KHDRBS2: variants seen among roughly 807,000 people sequenced by gnomAD.
KHDRBS2 encodes KH RNA binding domain containing, signal transduction associated 2, also known as KH domain-containing, RNA-binding, signal transduction-associated protein 2.
In KHDRBS2, 26 loss-of-function variants were observed where a neutral mutation model predicts 44.3. The observed-to-expected ratio is 0.59, with a 90% CI of 0.43 to 0.81. The LOEUF is 0.81. Among genes scored for constraint, KHDRBS2 ranks in the 40% least tolerant of loss-of-function variants. The pLI is 0.00. For missense variants in KHDRBS2, 476 were observed against 433.1 expected (o/e 1.10, Z -0.88); for synonymous variants, 194 against 151.1 (o/e 1.28, Z -2.08).
rs530120728 is a variant in KHDRBS2 at position 62,197,732 on chromosome 6, C to T, written c.92-20420G>A. 4.6e-4 allele frequency among the ~76,000 whole-genome samples: 70 copies of T among 152,256 alleles called. 1 individual carries two copies. The highest frequency in any genetic ancestry group is 1.6e-3 in the African/African-American group (68 of 41,558). On this transcript the variant is annotated intron_variant, in intron 1 of 8. Transcript: ENST00000281156. The stretch of plus-strand genomic sequence containing the variant: ...GAACTGAACTCAGCTCTGCACCAAG[C>T]AGACCTAATAGACATCTACAGAACT...
chr6:62,222,548 C>G (rs535225021), intron 1 of KHDRBS2, among the ~76,000 whole-genome samples: 32 of 152,066 alleles, frequency 2.1e-4, no homozygotes, highest in Non-Finnish European at 3.8e-4. Context: ...TATCTCCCAC[C>G]AGGTCCCTCA....
At chr6:61,547,639 G>C in the KHDRBS2 span, among the ~76,000 whole-genome samples, 238 of 152,094 alleles carry the variant, frequency 1.6e-3, 2 homozygotes, top group Non-Finnish European at 2.6e-3. Context: ...ATCACTTCGA[G>C]AGTTTGAAAA....
chr6:62,095,966 A>G (rs1186213801), intron 2 of KHDRBS2, among the ~76,000 whole-genome samples: 2 of 151,944 alleles, frequency 1.3e-5, no homozygotes, highest in African/African-American at 2.4e-5. Context: ...TTATTCATCT[A>G]TTCGGATGAT....
chr6:61,842,924 A>ACTATCTGTATAGATTACAGATACATAAT (rs1793801278), intron 6 of KHDRBS2, among the ~76,000 whole-genome samples: 1 of 150,668 alleles, frequency 6.6e-6, no homozygotes, highest in Non-Finnish European at 1.5e-5. Flanking sequence ...ATACAGATAA[A>ACTATCTGTATAGATTACAGATACATAAT]CTATCTGTAT....
intron 6 of KHDRBS2, among the ~76,000 whole-genome samples, chr6:61,768,372 C>T (rs1780318139): frequency 6.6e-6 from 1 of 152,150 alleles, no homozygotes; most frequent in South Asian, 2.1e-4. Flanking sequence ...CTGTCACCTT[C>T]TTGTCCTTAA....
chr6:61,843,707 G>T (rs1472614569), intron 6 of KHDRBS2, among the ~76,000 whole-genome samples: 5 of 152,008 alleles, frequency 3.3e-5, no homozygotes, highest in Non-Finnish European at 7.4e-5. Flanking sequence ...ATGCATCTTT[G>T]TATTAGTAAT....
chr6:62,157,155 A>G (rs1415794935), intron 2 of KHDRBS2, among the ~76,000 whole-genome samples: 1 of 150,798 alleles, frequency 6.6e-6, no homozygotes, highest in Non-Finnish European at 1.5e-5. Flanking sequence ...AGTGATCGAG[A>G]CCATCCTGGC....
At chr6:61,776,303 A>C (rs1781987408) in intron 6 of KHDRBS2, among the ~76,000 whole-genome samples, 1 of 152,294 alleles carries the variant, frequency 6.6e-6, no homozygotes, top group Non-Finnish European at 1.5e-5. Context: ...GATCTAATTA[A>C]ACTAAAGAGC....
the KHDRBS2 span, among the ~76,000 whole-genome samples, chr6:61,615,730 A>G: frequency 1.3e-5 from 2 of 152,210 alleles, no homozygotes; most frequent in East Asian, 1.9e-4. Context: ...GAATTTTCAG[A>G]TTAGGGATGC....
At chr6:62,228,841 G>C (rs184475951) in intron 1 of KHDRBS2, among the ~76,000 whole-genome samples, 1 of 152,078 alleles carries the variant, frequency 6.6e-6, no homozygotes, top group Non-Finnish European at 1.5e-5. Flanking sequence ...GATGTCACTC[G>C]AGGAAGCTGG....
At chr6:61,812,884 G>C (rs1271196885) in intron 6 of KHDRBS2, among the ~76,000 whole-genome samples, 1 of 151,834 alleles carries the variant, frequency 6.6e-6, no homozygotes, top group African/African-American at 2.4e-5. Flanking sequence ...TGGCCTCGGC[G>C]TATTTTCACA....
intron 6 of KHDRBS2, among the ~76,000 whole-genome samples, chr6:61,848,644 C>T (rs1427533320): frequency 2.2e-5 from 3 of 136,590 alleles, no homozygotes; most frequent in Non-Finnish European, 3.1e-5. Flanking sequence ...ATCTGTTCTT[C>T]AATGCACTAT....
At chr6:61,712,887 C>T (rs1259403728) in intron 7 of KHDRBS2, among the ~76,000 whole-genome samples, 1 of 151,632 alleles carries the variant, frequency 6.6e-6, no homozygotes, top group African/African-American at 2.4e-5. Context: ...TATTATGTAA[C>T]TCAAGTCCAC....
chr6:61,781,155 A>T (rs1488160751), intron 6 of KHDRBS2, among the ~76,000 whole-genome samples: 1 of 152,166 alleles, frequency 6.6e-6, no homozygotes, highest in Non-Finnish European at 1.5e-5. Context: ...ATTTCATTTG[A>T]TTTACATTCT....
At chr6:61,950,989 T>A (rs1764620104) in intron 4 of KHDRBS2, among the ~76,000 whole-genome samples, 1 of 152,054 alleles carries the variant, frequency 6.6e-6, no homozygotes, top group Non-Finnish European at 1.5e-5. Flanking sequence ...GTATGACTTT[T>A]ATATTTTTCC....
chr6:61,721,944 A>AT (rs1349108115), intron 7 of KHDRBS2, among the ~76,000 whole-genome samples: 1 of 145,784 alleles, frequency 6.9e-6, no homozygotes, highest in East Asian at 2.0e-4. Flanking sequence ...TTATTTTGAG[A>AT]TACGTCCAAT....
intron 3 of KHDRBS2, among the ~76,000 whole-genome samples, chr6:62,003,703 C>T (rs1241310972): frequency 3.3e-5 from 5 of 152,182 alleles, no homozygotes; most frequent in Non-Finnish European, 7.3e-5. Context: ...CCAAAATCAA[C>T]AGAATATACA....
intron 3 of KHDRBS2, among the ~76,000 whole-genome samples, chr6:62,018,280 T>A (rs1466593068): frequency 2.0e-5 from 3 of 150,150 alleles, no homozygotes; most frequent in Non-Finnish European, 4.4e-5. Context: ...ATGTGTATAT[T>A]CACACACTAT....
chr6:61,598,120 CTG>C, the KHDRBS2 span, among the ~76,000 whole-genome samples: 1 of 150,942 alleles, frequency 6.6e-6, no homozygotes, highest in Non-Finnish European at 1.5e-5. Context: ...ACCCTGCTGA[CTG>C]TGAGGAGTCT....
Sources: allele counts gnomAD v4.1 joint callset (sites outside exome capture counted in the v4.1 genomes callset), GRCh38; gene constraint gnomAD v4.1.1; transcripts MANE v1.5; gene names NCBI Gene and HGNC (gene_info 2026-07-23, HGNC 2026-07-21).